Variants in NKAIN2 observed in about 807,000 individuals in gnomAD.
NKAIN2 encodes sodium/potassium-transporting ATPase subunit beta-1-interacting protein 2.
Under a neutral mutation model 32.6 loss-of-function variants are expected in NKAIN2, and 14 were observed. The ratio of observed to expected loss-of-function variants is 0.43; its 90% CI spans 0.28 to 0.67. The LOEUF is 0.67. NKAIN2 is among the 30% of genes least tolerant of loss of function. The pLI, the probability that NKAIN2 is intolerant of heterozygous loss-of-function variation, is 0.17. For synonymous variants in NKAIN2, 80 were observed against 87.2 expected, an observed-to-expected ratio of 0.92 and a Z score of 0.46; for missense variants, 198 against 258.3, an observed-to-expected ratio of 0.77 and a Z score of 1.60.
chr6:124,710,677 T>G (rs985252861), intron 4 of NKAIN2, among the ~76,000 whole-genome samples: 2 of 149,922 alleles, frequency 1.3e-5, no homozygotes, highest in Non-Finnish European at 3.0e-5. Context: ...GTTTTCCATT[T>G]GCTTGGTAGA....
intron 1 of NKAIN2, among the ~76,000 whole-genome samples, chr6:123,992,836 G>A (rs772849658): frequency 6.6e-5 from 10 of 152,134 alleles, no homozygotes; most frequent in South Asian, 6.2e-4. Flanking sequence ...TTGTTTCTGC[G>A]TTGTTCCCTT....
chr6:124,175,086 T>A (rs891985045), intron 1 of NKAIN2, among the ~76,000 whole-genome samples: 1 of 152,188 alleles, frequency 6.6e-6, no homozygotes, highest in African/African-American at 2.4e-5. Context: ...AGTGTGTTTT[T>A]AAGCACCATT....
intron 1 of NKAIN2, among the ~76,000 whole-genome samples, chr6:124,261,097 A>G (rs1357155735): frequency 1.3e-5 from 2 of 152,182 alleles, no homozygotes; most frequent in Admixed American, 1.3e-4. Flanking sequence ...GAAAAATAGC[A>G]TAAAAGATTG....
intron 1 of NKAIN2, among the ~76,000 whole-genome samples, chr6:124,212,679 A>C (rs1320872156): frequency 6.6e-6 from 1 of 152,096 alleles, no homozygotes; most frequent in Non-Finnish European, 1.5e-5. Context: ...TTTTGAAAGG[A>C]TTTAGTATGA....
intron 1 of NKAIN2, among the ~76,000 whole-genome samples, chr6:124,050,496 G>A (rs1782353787): frequency 6.6e-6 from 1 of 151,782 alleles, no homozygotes; most frequent in South Asian, 2.1e-4. Flanking sequence ...GAGAAAGCTG[G>A]GTCAGAAGCT....
chr6:124,358,128 G>C (rs1279402460), intron 3 of NKAIN2, among the ~76,000 whole-genome samples: 1 of 152,192 alleles, frequency 6.6e-6, no homozygotes, highest in South Asian at 2.1e-4. Context: ...TGGCTGCATA[G>C]TATTCCATGA....
chr6:124,398,019 C>G (rs905709155), intron 3 of NKAIN2, among the ~76,000 whole-genome samples: 1 of 151,422 alleles, frequency 6.6e-6, no homozygotes, highest in African/African-American at 2.4e-5. Context: ...TTTGGGAGGC[C>G]GAGGCGGGCG....
chr6:124,545,746 T>C (rs1040236742), intron 3 of NKAIN2, among the ~76,000 whole-genome samples: 3 of 152,078 alleles, frequency 2.0e-5, no homozygotes, highest in African/African-American at 7.2e-5. Flanking sequence ...GACACCGATA[T>C]AGTTGTTTAT....
intron 1 of NKAIN2, among the ~76,000 whole-genome samples, chr6:123,967,929 C>T (rs891920747): frequency 1.7e-4 from 26 of 152,180 alleles, no homozygotes; most frequent in East Asian, 1.4e-3. Flanking sequence ...TATAAAGTGA[C>T]GCTCTAAGGG....
chr6:124,511,948 C>T (rs560907754), intron 3 of NKAIN2, among the ~76,000 whole-genome samples: 2 of 152,010 alleles, frequency 1.3e-5, no homozygotes, highest in African/African-American at 2.4e-5. Context: ...GTGGTTCTTT[C>T]GATGTATTTA....
intron 1 of NKAIN2, among the ~76,000 whole-genome samples, chr6:124,110,325 G>A (rs1356992241): frequency 1.3e-5 from 2 of 152,040 alleles, no homozygotes; most frequent in Non-Finnish European, 2.9e-5. Context: ...ACAAAATTCA[G>A]CATATACTCA....
At chr6:124,231,003 A>G (rs1338539873) in intron 1 of NKAIN2, among the ~76,000 whole-genome samples, 1 of 152,100 alleles carries the variant, frequency 6.6e-6, no homozygotes, top group African/African-American at 2.4e-5. Context: ...ACAGACACTC[A>G]ATGCCAGACA....
intron 3 of NKAIN2, among the ~76,000 whole-genome samples, chr6:124,561,023 G>T (rs115277175): frequency 0.015 from 2,357 of 152,182 alleles, 59 homozygotes; most frequent in African/African-American, 0.053. Context: ...TTCTGGGCAG[G>T]TCACCTAGGA....
intron 1 of NKAIN2, among the ~76,000 whole-genome samples, chr6:123,926,446 T>A (rs1776006967): frequency 6.6e-6 from 1 of 152,144 alleles, no homozygotes; most frequent in Non-Finnish European, 1.5e-5. Flanking sequence ...GTTCCCCAGA[T>A]GCCCACTGCT....
chr6:123,999,142 G>C (rs996765808), intron 1 of NKAIN2, among the ~76,000 whole-genome samples: 1 of 152,032 alleles, frequency 6.6e-6, no homozygotes, highest in Non-Finnish European at 1.5e-5. Flanking sequence ...TCAAATCCAT[G>C]AATTAATGCA....
chr6:124,167,327 A>G (rs1195926346), intron 1 of NKAIN2, among the ~76,000 whole-genome samples: 4 of 150,484 alleles, frequency 2.7e-5, no homozygotes, highest in African/African-American at 4.9e-5. Flanking sequence ...TTTGTCTGTT[A>G]TTGGTGTATA....
intron 3 of NKAIN2, among the ~76,000 whole-genome samples, chr6:124,367,698 T>C (rs1799582346): frequency 6.6e-6 from 1 of 152,120 alleles, no homozygotes; most frequent in Non-Finnish European, 1.5e-5. Context: ...AACTTCGACA[T>C]AGGGCACAAG....
chr6:123,854,642 A>G (rs752305644), intron 1 of NKAIN2, among the ~76,000 whole-genome samples: 5 of 152,190 alleles, frequency 3.3e-5, no homozygotes, highest in Non-Finnish European at 5.9e-5. Context: ...TCTCATCAAT[A>G]TCCAAATTTA....
intron 3 of NKAIN2, among the ~76,000 whole-genome samples, chr6:124,520,116 C>T (rs1562234826): frequency 1.3e-5 from 2 of 151,870 alleles, no homozygotes; most frequent in Admixed American, 6.6e-5. Flanking sequence ...GCTGTTGAGG[C>T]GGACAGATAA....
Sources: allele counts gnomAD v4.1 joint callset (sites outside exome capture counted in the v4.1 genomes callset), GRCh38; gene constraint gnomAD v4.1.1; transcripts MANE v1.5; gene names NCBI Gene and HGNC (gene_info 2026-07-23, HGNC 2026-07-21).